AKAP7: variants seen among roughly 807,000 people sequenced by gnomAD.
AKAP7 encodes the protein A kinase (PRKA) anchor protein 7.
AKAP7 carries 39 observed loss-of-function variants against 39.5 expected under a neutral mutation model. That is an observed-to-expected ratio of 0.99 (90% CI 0.76 to 1.29). The LOEUF (loss-of-function observed/expected upper bound fraction) is 1.29. Ranked by LOEUF, AKAP7 falls within the 50% of genes most tolerant of loss-of-function variation. The pLI, the probability that AKAP7 is intolerant of heterozygous loss-of-function variation, is 0.00. For missense variants in AKAP7, 414 were observed against 407.7 expected, an observed-to-expected ratio of 1.02 and a Z score of -0.13; for synonymous variants, 140 against 139.1, an observed-to-expected ratio of 1.01 and a Z score of -0.05.
chr6:131,254,669 A>G (rs1402858216), intron 7 of AKAP7, among the ~76,000 whole-genome samples: 1 of 152,232 alleles, frequency 6.6e-6, no homozygotes, highest in Non-Finnish European at 1.5e-5. Flanking sequence ...GGACATCATA[A>G]GGACATCACC....
At chr6:131,192,303 A>G (rs901971680) in intron 5 of AKAP7, among the ~76,000 whole-genome samples, 1 of 152,118 alleles carries the variant, frequency 6.6e-6, no homozygotes, top group East Asian at 1.9e-4. Flanking sequence ...ATTCTTCTGC[A>G]TGTGGATACC....
At chr6:131,270,046 C>G in intron 7 of AKAP7, among the ~76,000 whole-genome samples, 1 of 152,154 alleles carries the variant, frequency 6.6e-6, no homozygotes, top group East Asian at 1.9e-4. Context: ...CTGAACTTGT[C>G]CCTCATCATG....
intron 1 of AKAP7, among the ~76,000 whole-genome samples, chr6:131,141,899 C>CTTTTTTTTT (rs773131426): frequency 8.6e-5 from 10 of 116,178 alleles, no homozygotes; most frequent in Non-Finnish European, 1.1e-4. Context: ...TTCTTTCTTT[C>CTTTTTTTTT]TTTTTTTTTT....
intron 7 of AKAP7, among the ~76,000 whole-genome samples, chr6:131,239,882 C>T (rs1043291855): frequency 3.9e-5 from 6 of 152,054 alleles, no homozygotes; most frequent in African/African-American, 1.2e-4. Context: ...GTAGTTTGAT[C>T]GTCTGAAGCC....
intron 7 of AKAP7, among the ~76,000 whole-genome samples, chr6:131,226,105 T>C (rs1810137078): frequency 6.6e-6 from 1 of 152,252 alleles, no homozygotes; most frequent in Admixed American, 6.5e-5. Context: ...GTAATAGGCA[T>C]TGTGACCTTG....
chr6:131,179,566 G>A (rs1180965525), intron 5 of AKAP7, among the ~76,000 whole-genome samples: 1 of 152,140 alleles, frequency 6.6e-6, no homozygotes, highest in Non-Finnish European at 1.5e-5. Context: ...TGTATACCCA[G>A]TACTGTCTAT....
rs138645014 is a variant in AKAP7, at chr6:131,268,471, T to G, written c.851-13059T>G. 3.8e-3 allele frequency among the ~76,000 whole-genome samples: 572 copies of G among 152,302 alleles called. 4 individuals are homozygous for G. The highest frequency in any genetic ancestry group is 0.013 in the African/African-American group (548 of 41,574). ...AAGTATGAAGTGTTACCTGAACAAG[T>G]GGAAAAAAGTGTTCCTGTGACTGCT... is the stretch of plus-strand genomic sequence containing the variant. On this transcript the variant is annotated intron_variant, in intron 7 of 7. Transcript: ENST00000431975.
intron 5 of AKAP7, among the ~76,000 whole-genome samples, chr6:131,173,930 A>C (rs1436681606): frequency 6.6e-6 from 1 of 152,204 alleles, no homozygotes; most frequent in Non-Finnish European, 1.5e-5. Context: ...ATTTTCCAAT[A>C]TTGATGAAAG....
intron 7 of AKAP7, among the ~76,000 whole-genome samples, chr6:131,229,284 A>G (rs1040906967): frequency 3.9e-5 from 6 of 152,148 alleles, no homozygotes; most frequent in African/African-American, 1.2e-4. Flanking sequence ...AAACTCACAT[A>G]TATTATCAGG....
chr6:131,128,853 A>C, the AKAP7 span, among the ~76,000 whole-genome samples: 1,008 of 152,066 alleles, frequency 6.6e-3, 12 homozygotes, highest in African/African-American at 0.023. Flanking sequence ...ATAATTAAAA[A>C]ATTTAAACTA....
At chr6:131,249,169 A>G (rs1381059820) in intron 7 of AKAP7, among the ~76,000 whole-genome samples, 1 of 152,200 alleles carries the variant, frequency 6.6e-6, no homozygotes, top group Non-Finnish European at 1.5e-5. Flanking sequence ...AGATCTTCAC[A>G]ATATTTCTAA....
chr6:131,268,599 T>C (rs933088699), intron 7 of AKAP7, among the ~76,000 whole-genome samples: 3 of 152,306 alleles, frequency 2.0e-5, no homozygotes, highest in East Asian at 1.9e-4. Context: ...TTGCAACTTA[T>C]GGTTTATTTT....
chr6:131,266,571 G>A (rs1813814787), intron 7 of AKAP7, among the ~76,000 whole-genome samples: 1 of 152,118 alleles, frequency 6.6e-6, no homozygotes, highest in South Asian at 2.1e-4. Flanking sequence ...GGAGCCTCTT[G>A]TAAATTGATA....
chr6:131,183,249 A>G (rs1805458943), intron 5 of AKAP7, among the ~76,000 whole-genome samples: 1 of 152,096 alleles, frequency 6.6e-6, no homozygotes. Context: ...GCCCCCCACT[A>G]CTTAATGTCA....
At chr6:131,225,268 C>T (rs1012233449) in intron 7 of AKAP7, among the ~76,000 whole-genome samples, 3 of 152,016 alleles carry the variant, frequency 2.0e-5, no homozygotes, top group Non-Finnish European at 2.9e-5. Flanking sequence ...TTTTGGAGCT[C>T]ATCTTATTGT....
At chr6:131,209,061 A>G (rs1808401376) in intron 6 of AKAP7, among the ~76,000 whole-genome samples, 1 of 152,206 alleles carries the variant, frequency 6.6e-6, no homozygotes, top group South Asian at 2.1e-4. Flanking sequence ...TCTACTCAGC[A>G]TTGTTTCCCA....
chr6:131,165,198 AATGAAG>A lies in AKAP7; in HGVS notation c.416_421del (p.Asp139_Glu140del). ...TACCCTGCTGGTGATGCAATTATTA[AATGAAG>A]ATGAAGTAAACATGTGAGTAATGTA... is the stretch of plus-strand genomic sequence containing the variant. On this transcript the variant is annotated inframe_deletion, in exon 4 of 8. Coordinates refer to ENST00000431975, the MANE Select transcript of AKAP7 (RefSeq NM_016377.4). 6.2e-7 allele frequency: 1 copy of A among 1,607,068 alleles called. No individual in the cohort carries two copies. The highest frequency in any genetic ancestry group is 1.1e-5 in the South Asian group (1 of 89,294).
intron 7 of AKAP7, among the ~76,000 whole-genome samples, chr6:131,235,702 G>T (rs1238471566): frequency 4.6e-5 from 7 of 152,166 alleles, no homozygotes; most frequent in African/African-American, 1.7e-4. Context: ...CTGCATAAAT[G>T]TCTTCTTTTG....
At chr6:131,156,326 A>G (rs1802416525) in intron 2 of AKAP7, among the ~76,000 whole-genome samples, 1 of 152,122 alleles carries the variant, frequency 6.6e-6, no homozygotes, top group Non-Finnish European at 1.5e-5. Context: ...TTATTTTTCA[A>G]CATTATATTT....
Sources: allele counts gnomAD v4.1 joint callset (sites outside exome capture counted in the v4.1 genomes callset), GRCh38; gene constraint gnomAD v4.1.1; transcripts MANE v1.5; gene names NCBI Gene and HGNC (gene_info 2026-07-23, HGNC 2026-07-21).